The following XKR9 variants were observed in gnomAD, a reference collection of about 807,000 sequenced individuals.
XKR9 encodes the protein XK-related protein 9.
A neutral mutation model predicts 32.0 loss-of-function variants in XKR9; 32 were observed. The ratio of observed to expected loss-of-function variants is 1.00; its 90% CI spans 0.76 to 1.34. The LOEUF is 1.34. Ranked by LOEUF, XKR9 falls within the 40% of genes most tolerant of loss-of-function variation. The pLI is 0.00. For missense variants in XKR9, 546 were observed against 429.7 expected, an observed-to-expected ratio of 1.27 and a Z score of -2.39; for synonymous variants, 168 against 143.4, an observed-to-expected ratio of 1.17 and a Z score of -1.22.
Position 70,681,215 on chromosome 8 carries a change from C to T in XKR9, c.157C>T (p.Leu53Phe), listed in dbSNP as rs541881654. ...GTTAAGCTTTATGCTTTTTGGAACA[C>T]TTGTGGCTCAGTGTTTTAGTTATTC... ...LALSFMLFGT[L>F]VAQCFSYSWF... Residue 53 changes from leucine to phenylalanine, a missense_variant, in exon 3 of 5, where the codon CTT (leucine) becomes TTT (phenylalanine). Leu to Phe is a conservative substitution (Grantham distance 22). Coordinates refer to ENST00000408926, the MANE Select transcript of XKR9 (RefSeq NM_001011720.2). The T allele has an allele frequency of 1.5e-5, 25 of 1,613,484 alleles. No individual in the cohort carries two copies. Among genetic ancestry groups the T allele is most frequent in the African/African-American group, 1.2e-4 (9 of 74,986 alleles).
intron 2 of XKR9, among the ~76,000 whole-genome samples, chr8:70,677,574 A>C (rs1374436948): frequency 1.3e-5 from 2 of 152,234 alleles, no homozygotes; most frequent in East Asian, 3.8e-4. Flanking sequence ...TCAAATCTAT[A>C]GACTGCTGTG....
the XKR9 span, among the ~76,000 whole-genome samples, chr8:71,003,882 A>T: frequency 3.9e-5 from 6 of 152,342 alleles, no homozygotes; most frequent in African/African-American, 1.4e-4. Flanking sequence ...TAAAACGTGT[A>T]AACCAATAAT....
At chr8:70,975,839 G>T in the XKR9 span, among the ~76,000 whole-genome samples, 1 of 152,074 alleles carries the variant, frequency 6.6e-6, no homozygotes, top group South Asian at 2.1e-4. Context: ...GGGCAGTATG[G>T]CCATTTTCAC....
the XKR9 span, among the ~76,000 whole-genome samples, chr8:70,813,603 C>T: frequency 4.6e-4 from 70 of 152,000 alleles, 3 homozygotes. Flanking sequence ...AAGAAAAAAA[C>T]AAACAACCCC....
At chr8:70,787,543 C>T (rs1240223215) in intron 2 of XKR9, among the ~76,000 whole-genome samples, 3 of 152,088 alleles carry the variant, frequency 2.0e-5, no homozygotes, top group African/African-American at 7.2e-5. Context: ...GTCCTGAGTA[C>T]ACAGTGCATT....
chr8:70,904,261 G>C, the XKR9 span, among the ~76,000 whole-genome samples: 1 of 152,304 alleles, frequency 6.6e-6, no homozygotes, highest in East Asian at 1.9e-4. Flanking sequence ...AAGTCTCTCT[G>C]TAGGTTTCTA....
At chr8:70,709,860 A>C (rs1213823664) in intron 4 of XKR9, among the ~76,000 whole-genome samples, 1 of 152,230 alleles carries the variant, frequency 6.6e-6, no homozygotes, top group African/African-American at 2.4e-5. Flanking sequence ...ACTATTGTTA[A>C]AATGGCCATG....
chr8:70,773,715 A>G (rs552249466), intron 2 of XKR9, among the ~76,000 whole-genome samples: 31 of 152,304 alleles, frequency 2.0e-4, no homozygotes, highest in African/African-American at 7.0e-4. Context: ...TTTGCTTCCT[A>G]TGAAGGCAAT....
the XKR9 span, among the ~76,000 whole-genome samples, chr8:70,899,287 A>T: frequency 6.6e-6 from 1 of 151,708 alleles, no homozygotes; most frequent in African/African-American, 2.4e-5. Context: ...CTTTCATTGA[A>T]TTTTTTCAAG....
At chr8:70,814,785 G>A in the XKR9 span, among the ~76,000 whole-genome samples, 1 of 152,198 alleles carries the variant, frequency 6.6e-6, no homozygotes, top group Non-Finnish European at 1.5e-5. Flanking sequence ...GGTATCCAAA[G>A]TGGGAAAGAA....
intron 2 of XKR9, among the ~76,000 whole-genome samples, chr8:70,755,713 A>C (rs1403604100): frequency 7.1e-6 from 1 of 140,854 alleles, no homozygotes; most frequent in Non-Finnish European, 1.5e-5. Context: ...GAATAATGAG[A>C]ACCCATGGAC....
the XKR9 span, among the ~76,000 whole-genome samples, chr8:70,811,185 T>A: frequency 2.6e-5 from 4 of 152,122 alleles, no homozygotes; most frequent in Non-Finnish European, 4.4e-5. Context: ...TGCTCCTGAA[T>A]GACTACTGGG....
chr8:70,815,248 C>G, the XKR9 span, among the ~76,000 whole-genome samples: 1 of 151,968 alleles, frequency 6.6e-6, no homozygotes, highest in Admixed American at 6.6e-5. Flanking sequence ...GTTTGTTGTA[C>G]AGATTATTTC....
At chr8:70,791,168 C>T (rs527689047), downstream of XKR9, among the ~76,000 whole-genome samples, 60 of 152,134 alleles carry the variant, frequency 3.9e-4, no homozygotes, top group African/African-American at 1.4e-3. Flanking sequence ...AATACTTCCG[C>T]ACTTCTGAAA....
the XKR9 span, among the ~76,000 whole-genome samples, chr8:70,932,106 A>T: frequency 6.6e-6 from 1 of 152,276 alleles, no homozygotes; most frequent in African/African-American, 2.4e-5. Context: ...TGTGTTAAGC[A>T]TAGAAGTAGA....
chr8:70,965,952 G>T, the XKR9 span, among the ~76,000 whole-genome samples: 1 of 152,010 alleles, frequency 6.6e-6, no homozygotes, highest in Non-Finnish European at 1.5e-5. Flanking sequence ...TCTTGTTTTT[G>T]CTAGCTTTGG....
chr8:70,881,739 A>G, the XKR9 span, among the ~76,000 whole-genome samples: 11 of 152,228 alleles, frequency 7.2e-5, no homozygotes, highest in Non-Finnish European at 1.0e-4. Flanking sequence ...TAGAATTACC[A>G]TTTGACCCAG....
At chr8:70,910,857 G>A in the XKR9 span, among the ~76,000 whole-genome samples, 443 of 152,320 alleles carry the variant, frequency 2.9e-3, 2 homozygotes, top group Middle Eastern at 0.02. Flanking sequence ...TAGGACTGAC[G>A]TCCTCATTTC....
At chr8:70,690,508 T>C (rs1819476663) in intron 3 of XKR9, among the ~76,000 whole-genome samples, 1 of 151,626 alleles carries the variant, frequency 6.6e-6, no homozygotes, top group South Asian at 2.1e-4. Context: ...TAGTTTTTTT[T>C]TTTTTTTGTA....
Sources: gnomAD v4.1 joint callset for allele counts (sites outside exome capture counted in the v4.1 genomes callset) on GRCh38, gnomAD v4.1.1 for gene constraint, MANE v1.5 for transcripts, NCBI Gene and HGNC (gene_info 2026-07-23, HGNC 2026-07-21) for gene names.